The following TNS4 variants were observed in gnomAD, a reference collection of about 807,000 sequenced individuals.
TNS4 encodes tensin 4.
Under a neutral mutation model 70.4 loss-of-function variants are expected in TNS4, and 46 were observed. That is an observed-to-expected ratio of 0.65 (90% CI 0.52 to 0.84). The LOEUF is 0.84. TNS4 is among the 40% of genes least tolerant of loss of function. TNS4 has a pLI of 0.00. For synonymous variants in TNS4, 390 were observed against 366.6 expected (o/e 1.06, Z -0.73); for missense variants, 863 against 907.0 (o/e 0.95, Z 0.62).
At chr17:40,493,454 G>A (rs150240566) in intron 2 of TNS4, among the ~76,000 whole-genome samples, 9 of 152,288 alleles carry the variant, frequency 5.9e-5, no homozygotes, top group Non-Finnish European at 7.4e-5. Flanking sequence ...TAGGGTCTGC[G>A]GGGAGGATTT....
intron 6 of TNS4, 93 bp downstream of exon 6, chr17:40,484,391 C>G: frequency 1.3e-6 from 2 of 1,543,268 alleles, no homozygotes; most frequent in Non-Finnish European, 1.7e-6. Flanking sequence ...GGCGCCATGT[C>G]ACCCTGAAAG....
At position 40,487,132 on chromosome 17, in the gene TNS4, C is replaced by A. The variant is rs140876567; in HGVS notation, c.1192G>T (p.Val398Phe). 1,999 of 1,614,176 alleles carry A rather than the reference C, an allele frequency of 1.2e-3. 29 individuals carry two copies. In the East Asian group the frequency reaches 0.028, roughly 23 times the overall value. ...CTGGGAGAAGCAGCTCCAGGTTGAACGGAGTTCTGGTGTCCTGGGGTCCGC... is the reference window on the plus strand; with the variant it reads ...CTGGGAGAAGCAGCTCCAGGTTGAAAGGAGTTCTGGTGTCCTGGGGTCCGC... ...PQRTPGHQNS[V>F]QPGAASPSNP... The change falls in exon 4 of 13, where the codon GTT becomes TTT. Residue 398 changes from valine to phenylalanine, a missense_variant. Val to Phe is a conservative substitution (Grantham distance 50). Coordinates refer to ENST00000254051, the MANE Select transcript of TNS4 (RefSeq NM_032865.6).
At position 40,484,628 on chromosome 17, in the gene TNS4, C is replaced by G. The variant is rs766507656; in HGVS notation, c.1376-19G>C. 10 of 1,610,310 alleles carry G rather than the reference C, an allele frequency of 6.2e-6. No homozygotes were observed. The highest frequency in any genetic ancestry group is 7.6e-6 in the Non-Finnish European group (9 of 1,179,876). On this transcript the variant is annotated intron_variant, in intron 5 of 12. Coordinates refer to ENST00000254051, the MANE Select transcript of TNS4 (RefSeq NM_032865.6). ...TCGATTGCTGGAACAATCCTTGAGT[C>G]AGAGATGGACACCGCCCCACCTGGA... is the stretch of plus-strand genomic sequence containing the variant.
Position 40,477,733 on chromosome 17 carries a change from G to T in TNS4, c.2007-4C>A, listed in dbSNP as rs757904988. ...CTTGGCCACAAACCCAAAGATCCTG[G>T]TGGGGGAGGGCAGTCTGAGTGAGGG... is the stretch of plus-strand genomic sequence containing the variant. On this transcript the variant is annotated splice_region_variant and splice_polypyrimidine_tract_variant and intron_variant, in intron 12 of 12. Coordinates refer to ENST00000254051, the MANE Select transcript of TNS4 (RefSeq NM_032865.6). 2 of 1,613,534 alleles carry T rather than the reference G, an allele frequency of 1.2e-6. No homozygotes were observed. Among genetic ancestry groups the T allele is most frequent in the African/African-American group, 2.7e-5 (2 of 74,878 alleles).
chr17:40,484,426 C>A, intron 6 of TNS4, 58 bp downstream of exon 6: 1 of 1,590,442 alleles, frequency 6.3e-7, no homozygotes, highest in Non-Finnish European at 8.5e-7. Flanking sequence ...AGGACTGGAA[C>A]CTACCACACC....
chr17:40,487,177 G>A lies in TNS4; in HGVS notation c.1147C>T (p.Pro383Ser), dbSNP rs772361427. 4.3e-6 allele frequency: 7 copies of A among 1,614,152 alleles called. No homozygotes were observed. The highest frequency in any genetic ancestry group is 1.7e-6 in the Non-Finnish European group (2 of 1,180,012). The part of the protein sequence containing the change: ...PIVLINGCPE[P>S]GSSPPQRTPG... ...GTCCGCTGGGGTGGAGAAGACCCTGGTTCTGGGCAGCCGTTGATCAGCACA... is the reference window on the plus strand; with the variant it reads ...GTCCGCTGGGGTGGAGAAGACCCTGATTCTGGGCAGCCGTTGATCAGCACA... The change falls in exon 4 of 13, where the codon CCA becomes TCA. Residue 383 changes from proline to serine, a missense_variant. Physicochemically the swap from Pro to Ser is moderately conservative, Grantham distance 74 (BLOSUM62 -1). Transcript: ENST00000254051.
In TNS4 at chr17:40,488,578, G is replaced by C; in HGVS notation, c.831C>G (p.Ser277Arg). The part of the protein sequence containing the change: ...RGSRISVLSA[S>R]PVSDVSYMFG... ...ACATATAGCTGACATCAGACACTGG[G>C]CTGGCTGACAGCACAGAGATCCTGC... The change falls in exon 3 of 13, where the codon AGC becomes AGG. Residue 277 changes from serine to arginine, a missense_variant. Coordinates refer to ENST00000254051, the MANE Select transcript of TNS4 (RefSeq NM_032865.6). 6.6e-7 allele frequency: 1 copy of C among 1,512,058 alleles called. No individual in the cohort carries two copies. Among genetic ancestry groups the C allele is most frequent in the Non-Finnish European group, 8.8e-7 (1 of 1,130,172 alleles). The allele number at this position is 1,512,058 out of a possible 1,614,324, so 93.7% of individuals were successfully genotyped here.
intron 11 of TNS4, 102 bp downstream of exon 11, chr17:40,478,478 C>T: frequency 7.0e-7 from 1 of 1,433,452 alleles, no homozygotes; most frequent in Non-Finnish European, 9.5e-7. Context: ...CCTTGAGGTT[C>T]ACAGGCTCCC....
intron 1 of TNS4, among the ~76,000 whole-genome samples, chr17:40,499,534 G>A (rs532160385): frequency 1.3e-5 from 2 of 152,330 alleles, no homozygotes; most frequent in South Asian, 2.1e-4. Context: ...GGTCGCACAG[G>A]TTTCATGAGA....
At chr17:40,491,014 T>G (rs1468964462) in intron 2 of TNS4, among the ~76,000 whole-genome samples, 2 of 152,170 alleles carry the variant, frequency 1.3e-5, no homozygotes, top group African/African-American at 2.4e-5. Context: ...CTTAGAAAGA[T>G]GACTGCAAGA....
chr17:40,487,093 C>T lies in TNS4; in HGVS notation c.1231G>A (p.Ala411Thr). The stretch of plus-strand genomic sequence containing the variant: ...AGGGTCTGGCTGTTGCTCCTGGTGG[C>T]TGGACAGGGGTTGCTGGGAGAAGCA... ...GAASPSNPCPATRSNSQTLSD... is the reference protein window; with the variant it reads ...GAASPSNPCPTTRSNSQTLSD... The change falls in exon 4 of 13, where the codon GCC (alanine) becomes ACC (threonine). Residue 411 changes from alanine to threonine, a missense_variant. Physicochemically the swap from Ala to Thr is moderately conservative, Grantham distance 58. Coordinates refer to ENST00000254051, the MANE Select transcript of TNS4 (RefSeq NM_032865.6). 6.2e-7 allele frequency: 1 copy of T among 1,614,220 alleles called. No individual in the cohort carries two copies. Among genetic ancestry groups the T allele is most frequent in the Non-Finnish European group, 8.5e-7 (1 of 1,180,046 alleles).
chr17:40,478,462 C>A, intron 11 of TNS4, 118 bp downstream of exon 11: 1 of 1,543,204 alleles, frequency 6.5e-7, no homozygotes, highest in Non-Finnish European at 8.9e-7. Context: ...TTCTGTCACC[C>A]TGACCCCTTG....
chr17:40,496,606 A>G, intron 1 of TNS4, 86 bp from the exon 2 acceptor site: 1 of 614,896 alleles, frequency 1.6e-6, no homozygotes, highest in South Asian at 2.2e-5. Flanking sequence ...TAAGTTATTC[A>G]TTCATTTAAA....
intron 12 of TNS4, 185 bp downstream of exon 12, chr17:40,478,122 T>C: frequency 2.7e-6 from 2 of 733,150 alleles, no homozygotes; most frequent in South Asian, 3.4e-5. Context: ...CAGGCTCATG[T>C]CACCCCCAAC....
chr17:40,484,858 C>A, intron 5 of TNS4, 63 bp downstream of exon 5: 2 of 1,573,568 alleles, frequency 1.3e-6, no homozygotes, highest in Non-Finnish European at 8.7e-7. Flanking sequence ...TAACCCAGGG[C>A]CCTGCCTGAT....
At chr17:40,486,025 C>T (rs549021346) in intron 4 of TNS4, among the ~76,000 whole-genome samples, 3 of 151,774 alleles carry the variant, frequency 2.0e-5, no homozygotes, top group Non-Finnish European at 4.4e-5. Context: ...TGCCTGTGAG[C>T]GTCATGGCCA....
Position 40,489,077 on chromosome 17 carries a change from G to C in TNS4, c.440-108C>G. 6.2e-6 allele frequency: 7 copies of C among 1,130,212 alleles called. No individual in the cohort carries two copies. The Middle Eastern group carries it at 1.5e-3, about 238-fold the overall frequency. The allele number at this position is 1,130,212 out of a possible 1,614,324, so 70.0% of individuals were successfully genotyped here. A position where few individuals can be genotyped will look rare whatever the true frequency, so the allele number is the denominator to read the frequency against. ...CATTCTGTCCCCCCTCTTTTATAGA[G>C]ACGAGGACACTGAGGCCCAGAGAGG... On this transcript the variant is annotated intron_variant, in intron 2 of 12. Transcript: ENST00000254051.
intron 2 of TNS4, among the ~76,000 whole-genome samples, chr17:40,489,471 A>C (rs1222002235): frequency 1.3e-5 from 2 of 152,232 alleles, no homozygotes; most frequent in South Asian, 2.1e-4. Context: ...GGGTTGTACC[A>C]GTGACACTTT....
rs779657652 is a variant in TNS4 at position 40,480,792 on chromosome 17, C to T, written c.1673-24G>A. On this transcript the variant is annotated intron_variant, in intron 8 of 12. Coordinates refer to ENST00000254051, the MANE Select transcript of TNS4 (RefSeq NM_032865.6). ...TTCTGAGCCAAGGCAAAGAAACAGG[C>T]CCCCCAAAGGGGCGGGGGTGGAGTG... 9 of 1,598,020 alleles carry T rather than the reference C, an allele frequency of 5.6e-6. No individual in the cohort carries two copies. In the South Asian group the frequency reaches 1.0e-4, roughly 18 times the overall value.
Sources: gnomAD v4.1 joint callset for allele counts (sites outside exome capture counted in the v4.1 genomes callset) on GRCh38, gnomAD v4.1.1 for gene constraint, MANE v1.5 for transcripts, NCBI Gene and HGNC (gene_info 2026-07-23, HGNC 2026-07-21) for gene names.